The following TSPAN15 variants were observed in gnomAD, a reference collection of about 807,000 sequenced individuals.
The protein encoded by TSPAN15 is tetraspanin-15.
Under a neutral mutation model 34.5 loss-of-function variants are expected in TSPAN15, and 20 were observed. The ratio of observed to expected loss-of-function variants is 0.58; its 90% CI spans 0.41 to 0.84. The LOEUF is 0.84. TSPAN15 is among the 40% of genes least tolerant of loss of function. The probability of loss-of-function intolerance (pLI) is 0.00; values close to 1 mark genes in which losing one functional copy is unlikely to be tolerated. For missense variants in TSPAN15, 313 were observed against 386.1 expected (o/e 0.81, Z 1.59); for synonymous variants, 155 against 153.9 (o/e 1.01, Z -0.05).
At chr10:69,479,580 G>T (rs940167891) in intron 1 of TSPAN15, among the ~76,000 whole-genome samples, 5 of 152,358 alleles carry the variant, frequency 3.3e-5, no homozygotes, top group Non-Finnish European at 7.3e-5. Flanking sequence ...TGGGCCATTT[G>T]CTTCCTGTTC....
At chr10:69,515,529 G>A in the TSPAN15 span, among the ~76,000 whole-genome samples, 8 of 152,182 alleles carry the variant, frequency 5.3e-5, no homozygotes, top group Non-Finnish European at 1.5e-5. Flanking sequence ...TTGCAGGAGA[G>A]GAAAGATAAA....
At chr10:69,495,545 C>A in intron 3 of TSPAN15, 49 bp from the exon 4 acceptor site, 1 of 1,428,058 alleles carries the variant, frequency 7.0e-7, no homozygotes. Flanking sequence ...TTGGGTTGGA[C>A]TCCGGGAGTG....
chr10:69,451,486 G>T lies in TSPAN15; in HGVS notation c.-109G>T, dbSNP rs962087779. The T allele has an allele frequency of 1.6e-6, 2 of 1,282,952 alleles. No individual in the cohort carries two copies. The highest frequency in any genetic ancestry group is 2.0e-6 in the Non-Finnish European group (2 of 1,014,032). The allele number at this position is 1,282,952 out of a possible 1,614,324, so 79.5% of individuals were successfully genotyped here. A position where few individuals can be genotyped will look rare whatever the true frequency, so the allele number is the denominator to read the frequency against. ...CAGTGTCAGTCCCGGAGAGAACGCC[G>T]GTGGCGGGGCTGGTAGCCCGGCAGC... On this transcript the variant is annotated 5_prime_UTR_variant, in exon 1 of 8. Transcript: ENST00000373290.
intron 1 of TSPAN15, among the ~76,000 whole-genome samples, chr10:69,464,718 G>A (rs1392172861): frequency 6.6e-6 from 1 of 152,184 alleles, no homozygotes; most frequent in Non-Finnish European, 1.5e-5. Flanking sequence ...TTGAGGGGCC[G>A]TAGAGGGCAT....
chr10:69,479,890 C>A (rs1841696405), intron 1 of TSPAN15, among the ~76,000 whole-genome samples: 1 of 152,136 alleles, frequency 6.6e-6, no homozygotes, highest in African/African-American at 2.4e-5. Flanking sequence ...GCTCCTTCTG[C>A]TAGACCAGGA....
At chr10:69,540,255 C>T in the TSPAN15 span, among the ~76,000 whole-genome samples, 4 of 152,090 alleles carry the variant, frequency 2.6e-5, no homozygotes, top group Admixed American at 1.3e-4. Flanking sequence ...ATTAGCCAGG[C>T]GTGGTGGCAG....
the TSPAN15 span, among the ~76,000 whole-genome samples, chr10:69,531,948 AAAC>A: frequency 7.8e-6 from 1 of 128,634 alleles, no homozygotes; most frequent in Non-Finnish European, 1.7e-5. Flanking sequence ...AACAAAAAAA[AAAC>A]AAAAAAAAAA....
intron 3 of TSPAN15, among the ~76,000 whole-genome samples, chr10:69,492,618 C>T (rs775405168): frequency 2.6e-5 from 4 of 152,322 alleles, no homozygotes; most frequent in Middle Eastern, 6.8e-3. Context: ...TCTCGAAGCC[C>T]GAGCCTTGGA....
chr10:69,549,098 G>A, the TSPAN15 span, among the ~76,000 whole-genome samples: 2 of 151,770 alleles, frequency 1.3e-5, no homozygotes, highest in Non-Finnish European at 2.9e-5. Flanking sequence ...GCATTACCCA[G>A]CATCTAATCA....
At chr10:69,481,673 CTG>C (rs1433436063) in intron 1 of TSPAN15, among the ~76,000 whole-genome samples, 1 of 152,184 alleles carries the variant, frequency 6.6e-6, no homozygotes, top group African/African-American at 2.4e-5. Flanking sequence ...CATGGTGACA[CTG>C]GGGTGGCTAT....
At chr10:69,530,806 CTCTCTCTCTCTCTCTATATATATATA>C in the TSPAN15 span, among the ~76,000 whole-genome samples, 2 of 69,064 alleles carry the variant, frequency 2.9e-5, no homozygotes, top group African/African-American at 1.1e-4. Flanking sequence ...CTCTCTCTCT[CTCTCTCTCTCTCTCTATATATATATA>C]TATATATATA....
At chr10:69,541,261 G>C in the TSPAN15 span, among the ~76,000 whole-genome samples, 1 of 152,090 alleles carries the variant, frequency 6.6e-6, no homozygotes, top group Non-Finnish European at 1.5e-5. Flanking sequence ...GGTGGAGGAG[G>C]GCAGACCAAG....
intron 1 of TSPAN15, among the ~76,000 whole-genome samples, chr10:69,480,477 C>T (rs1198273485): frequency 1.3e-5 from 2 of 152,168 alleles, no homozygotes; most frequent in Non-Finnish European, 2.9e-5. Flanking sequence ...TAAAACCCTA[C>T]CTCTGCTACC....
At chr10:69,539,482 G>GAGAAGAAGAAGAAGAAGAAGAAGA in the TSPAN15 span, among the ~76,000 whole-genome samples, 2 of 67,056 alleles carry the variant, frequency 3.0e-5, no homozygotes, top group South Asian at 1.3e-3. Context: ...GAAGGAGAAG[G>GAGAAGAAGAAGAAGAAGAAGAAGA]AGAAGAAGAA....
At position 69,485,943 on chromosome 10, in the gene TSPAN15, A is replaced by C. The variant is rs182926119; in HGVS notation, c.357+728A>C. On this transcript the variant is annotated intron_variant, in intron 3 of 7. Transcript: ENST00000373290. ...GCAGGTTGACAGGGTGATGCCTGGC[A>C]TCCTGGCCCTGGCAGGGTTTGCAGA... 2.6e-5 allele frequency among the ~76,000 whole-genome samples: 4 copies of C among 152,320 alleles called. No individual in the cohort carries two copies. The East Asian group carries it at 7.7e-4, about 29-fold the overall frequency.
At chr10:69,476,250 T>TC (rs1395918158) in intron 1 of TSPAN15, among the ~76,000 whole-genome samples, 1 of 151,968 alleles carries the variant, frequency 6.6e-6, no homozygotes, top group Non-Finnish European at 1.5e-5. Context: ...TAAGGAGGTT[T>TC]GTTTAGGGAC....
chr10:69,484,150 A>G lies in TSPAN15; in HGVS notation c.282+274A>G, dbSNP rs189316369. On this transcript the variant is annotated intron_variant, in intron 2 of 7. Transcript: ENST00000373290. ...GTAGGAAAAACCACACTCAAATGAG[A>G]GCAAGCAAAGACAAAAAAAGGAGAT... The G allele has an allele frequency of 2.0e-5, 7 of 356,676 alleles. No individual in the cohort carries two copies. In the East Asian group the frequency reaches 2.2e-4, roughly 11 times the overall value. 22.1% of individuals were successfully genotyped at this position (356,676 alleles called of 1,614,324 possible).
rs931714982 is a variant in TSPAN15, at chr10:69,498,211, C to T, written c.454-69C>T. 7.3e-5 allele frequency: 103 copies of T among 1,402,320 alleles called. No individual in the cohort carries two copies. The African/African-American group carries it at 1.4e-3, about 19-fold the overall frequency. The allele number at this position is 1,402,320 out of a possible 1,614,324, so 86.9% of individuals were successfully genotyped here. A position where few individuals can be genotyped will look rare whatever the true frequency, so the allele number is the denominator to read the frequency against. Reference sequence around the variant, plus strand: ...AAACTGCCTCCGTCTCCTGACAGGGCCCCTTCCTGTCGTCTGAGCAGGGCC... The same window carrying T: ...AAACTGCCTCCGTCTCCTGACAGGGTCCCTTCCTGTCGTCTGAGCAGGGCC... On this transcript the variant is annotated intron_variant, in intron 4 of 7. Transcript: ENST00000373290.
intron 1 of TSPAN15, among the ~76,000 whole-genome samples, chr10:69,466,983 G>A (rs192870742): frequency 2.6e-5 from 4 of 152,284 alleles, no homozygotes; most frequent in African/African-American, 7.2e-5. Flanking sequence ...TTGCTGGGTC[G>A]CATCAGCGCC....
Sources: allele counts gnomAD v4.1 joint callset (sites outside exome capture counted in the v4.1 genomes callset), GRCh38; gene constraint gnomAD v4.1.1; transcripts MANE v1.5; gene names NCBI Gene and HGNC (gene_info 2026-07-23, HGNC 2026-07-21).